The following CNTN5 variants were observed in gnomAD, a reference collection of about 807,000 sequenced individuals.
CNTN5 encodes the protein contactin 5.
Under a neutral mutation model 129.1 loss-of-function variants are expected in CNTN5, and 77 were observed. That is an observed-to-expected ratio of 0.60 (90% CI 0.50 to 0.72). CNTN5 has a LOEUF of 0.72. CNTN5 is among the 30% of genes least tolerant of loss of function. The pLI is 0.00. For synonymous variants in CNTN5, 509 were observed against 465.6 expected, an observed-to-expected ratio of 1.09 and a Z score of -1.20; for missense variants, 1,478 against 1,328.8, an observed-to-expected ratio of 1.11 and a Z score of -1.75.
chr11:100,186,442 G>A (rs374137102), intron 13 of CNTN5, among the ~76,000 whole-genome samples: 2 of 151,992 alleles, frequency 1.3e-5, no homozygotes, highest in East Asian at 3.9e-4. Flanking sequence ...AATCAAGATA[G>A]GCAAAATAAG....
chr11:99,608,495 T>G (rs1379924028), intron 3 of CNTN5, among the ~76,000 whole-genome samples: 1 of 152,162 alleles, frequency 6.6e-6, no homozygotes, highest in African/African-American at 2.4e-5. Flanking sequence ...GTAAAATGAG[T>G]TGATGAGATT....
intron 2 of CNTN5, among the ~76,000 whole-genome samples, chr11:99,538,863 G>A (rs576786799): frequency 1.5e-3 from 223 of 151,914 alleles, no homozygotes; most frequent in Non-Finnish European, 2.7e-3. Flanking sequence ...CATTTATTTT[G>A]CAAACATAAT....
intron 18 of CNTN5, among the ~76,000 whole-genome samples, chr11:100,284,529 A>T (rs1950723184): frequency 1.3e-5 from 2 of 152,224 alleles, no homozygotes; most frequent in Admixed American, 1.3e-4. Context: ...GACAAAAAAA[A>T]TCACATTTGG....
chr11:99,848,823 A>G (rs1947783648), intron 6 of CNTN5, among the ~76,000 whole-genome samples: 1 of 152,180 alleles, frequency 6.6e-6, no homozygotes, highest in Non-Finnish European at 1.5e-5. Flanking sequence ...GGAGGACTGT[A>G]TTACCCAATT....
At chr11:100,018,489 G>T (rs577582851) in intron 9 of CNTN5, among the ~76,000 whole-genome samples, 2 of 151,956 alleles carry the variant, frequency 1.3e-5, no homozygotes, top group East Asian at 1.9e-4. Context: ...ACAAGTTGTT[G>T]AATGTGTCAA....
intron 8 of CNTN5, among the ~76,000 whole-genome samples, chr11:99,968,681 T>C (rs1347121299): frequency 7.3e-6 from 1 of 137,788 alleles, no homozygotes; most frequent in African/African-American, 2.8e-5. Flanking sequence ...TTTTTTTTTT[T>C]TTTTTGTATT....
chr11:99,487,421 T>C (rs1285377799), intron 2 of CNTN5, among the ~76,000 whole-genome samples: 1 of 152,212 alleles, frequency 6.6e-6, no homozygotes, highest in Non-Finnish European at 1.5e-5. Flanking sequence ...ACAAATAAGA[T>C]GCTTCTTGTC....
At chr11:99,817,603 T>TTTTC (rs1555120829) in intron 3 of CNTN5, among the ~76,000 whole-genome samples, 4 of 146,286 alleles carry the variant, frequency 2.7e-5, no homozygotes, top group Admixed American at 6.8e-5. Flanking sequence ...ATAGTTTTTT[T>TTTTC]TTTTTTTTTT....
chr11:99,563,123 G>T (rs1055589727), intron 3 of CNTN5, among the ~76,000 whole-genome samples: 5 of 152,064 alleles, frequency 3.3e-5, no homozygotes, highest in Non-Finnish European at 5.9e-5. Context: ...GGGAAACGGT[G>T]GGAAAGAAGG....
At chr11:100,056,619 C>A (rs1943235208) in intron 9 of CNTN5, among the ~76,000 whole-genome samples, 1 of 151,160 alleles carries the variant, frequency 6.6e-6, no homozygotes, top group African/African-American at 2.4e-5. Context: ...CATCAAAACA[C>A]AAAATAAAAC....
intron 2 of CNTN5, among the ~76,000 whole-genome samples, chr11:99,430,487 T>A (rs1943318312): frequency 6.7e-6 from 1 of 149,412 alleles, no homozygotes. Flanking sequence ...TTATATATAT[T>A]TATATATTTA....
chr11:99,848,134 C>T (rs1375550668), intron 6 of CNTN5, among the ~76,000 whole-genome samples: 2 of 151,752 alleles, frequency 1.3e-5, no homozygotes, highest in African/African-American at 2.4e-5. Context: ...CGCTTGAACC[C>T]GGGAGGCGGA....
chr11:99,848,188 C>A (rs1357408781), intron 6 of CNTN5, among the ~76,000 whole-genome samples: 1 of 152,078 alleles, frequency 6.6e-6, no homozygotes, highest in Non-Finnish European at 1.5e-5. Flanking sequence ...CCAGCCTGGG[C>A]GACAAAGCGA....
intron 15 of CNTN5, among the ~76,000 whole-genome samples, chr11:100,220,029 G>C (rs1007636714): frequency 6.6e-6 from 1 of 152,114 alleles, no homozygotes; most frequent in Non-Finnish European, 1.5e-5. Flanking sequence ...TGTAATCTGA[G>C]CACTTTGGGA....
chr11:99,423,588 T>G (rs1192054869), intron 2 of CNTN5, among the ~76,000 whole-genome samples: 4 of 152,218 alleles, frequency 2.6e-5, no homozygotes, highest in African/African-American at 9.7e-5. Context: ...GAATTAAGCC[T>G]CTTATTTTTA....
intron 6 of CNTN5, among the ~76,000 whole-genome samples, chr11:99,872,532 A>G (rs1948529065): frequency 6.6e-6 from 1 of 152,136 alleles, no homozygotes; most frequent in South Asian, 2.1e-4. Flanking sequence ...ATTACAATTG[A>G]AGATACCCTG....
chr11:99,503,733 T>A (rs906047847), intron 2 of CNTN5, among the ~76,000 whole-genome samples: 8 of 152,186 alleles, frequency 5.3e-5, no homozygotes, highest in Non-Finnish European at 7.4e-5. Flanking sequence ...GACAGACAGA[T>A]AAATAGATCT....
intron 3 of CNTN5, among the ~76,000 whole-genome samples, chr11:99,777,358 T>C (rs563264349): frequency 4.6e-5 from 7 of 152,012 alleles, no homozygotes; most frequent in African/African-American, 1.7e-4. Context: ...TCTGTTCAGG[T>C]TGTTTTTTGC....
chr11:99,126,302 G>A (rs1203983891), intron 1 of CNTN5, among the ~76,000 whole-genome samples: 1 of 152,122 alleles, frequency 6.6e-6, no homozygotes, highest in African/African-American at 2.4e-5. Flanking sequence ...AATATTAGCA[G>A]GACTAGTTCT....
Sources: allele counts gnomAD v4.1 joint callset (sites outside exome capture counted in the v4.1 genomes callset), GRCh38; gene constraint gnomAD v4.1.1; transcripts MANE v1.5; gene names NCBI Gene and HGNC (gene_info 2026-07-23, HGNC 2026-07-21).